HUWE1: variants seen among roughly 807,000 people sequenced by gnomAD.
HUWE1 encodes E3 ubiquitin-protein ligase HUWE1.
In HUWE1, 18 loss-of-function variants were observed where a neutral mutation model predicts 299.4. The observed-to-expected ratio is 0.06, with a 90% confidence interval of 0.04 to 0.09. The LOEUF is 0.09. Among genes scored for constraint, HUWE1 ranks in the 10% least tolerant of loss-of-function variants. HUWE1 has a pLI of 1.00. For synonymous variants in HUWE1, 1,317 were observed against 1,286.1 expected, an observed-to-expected ratio of 1.02 and a Z score of -0.51; for missense variants, 1,832 against 3,462.3, an observed-to-expected ratio of 0.53 and a Z score of 11.82.
intron 55 of HUWE1, 27 bp from the exon 56 acceptor site, chrX:53,560,443 A>G: frequency 8.7e-7 from 1 of 1,152,381 alleles, no homozygotes; most frequent in Non-Finnish European, 1.2e-6. Context: ...TAAAAGGGTC[A>G]GTGTCAAAAA....
At position 53,604,676 on chromosome X, in the gene HUWE1, G is replaced by A. The variant is rs1556995026; in HGVS notation, c.2655C>T (p.Leu885=). The A allele has an allele frequency of 3.1e-5, 38 of 1,209,926 alleles. No homozygotes were observed. The highest frequency in any genetic ancestry group is 3.9e-5 in the Non-Finnish European group (35 of 894,841). ...GCAGCAGAGGTGTGGCCTGGGCTGA[G>A]AGGGTAGCATCAGCAACATTGCCTG... The part of the protein sequence containing the change: ...ACAGNVADAT[L]SAQATPLLHA... Residue 885 remains leucine (L), a synonymous_variant, in exon 26 of 84, where the codon CTC becomes CTT. Coordinates refer to ENST00000262854, the MANE Select transcript of HUWE1 (RefSeq NM_031407.7).
At chrX:53,681,530 AG>A (rs1329000409) in intron 2 of HUWE1, among the ~76,000 whole-genome samples, 3 of 111,582 alleles carry the variant, frequency 2.7e-5, no homozygotes, top group African/African-American at 9.8e-5. Flanking sequence ...ATAACACAAC[AG>A]GAAGTAGTGT....
At chrX:53,559,130 AT>A in intron 57 of HUWE1, 70 bp from the exon 58 acceptor site, 5 of 921,231 alleles carry the variant, frequency 5.4e-6, no homozygotes, top group Non-Finnish European at 7.7e-6. Context: ...CGATCCAAAA[AT>A]TGCAGTATTT....
chrX:53,562,393 G>T, intron 53 of HUWE1, 149 bp from the exon 54 acceptor site: 1 of 723,849 alleles, frequency 1.4e-6, no homozygotes, highest in Non-Finnish European at 2.1e-6. Flanking sequence ...GACTTAGTGA[G>T]CCAGACCCGA....
At position 53,563,988 on chromosome X, in the gene HUWE1, C is replaced by T. The variant is rs782709415; in HGVS notation, c.7030-167G>A. ...GTGCTAATTAGCACAGAAACTACCACGTGCTACCAATCCACAACCAGACTA... is the reference window on the plus strand; with the variant it reads ...GTGCTAATTAGCACAGAAACTACCATGTGCTACCAATCCACAACCAGACTA... On this transcript the variant is annotated intron_variant, in intron 51 of 83. Transcript: ENST00000262854. Among the ~76,000 whole-genome samples the T allele has an allele frequency of 3.6e-5, 4 of 112,296 alleles. No homozygotes were observed. In the East Asian group the frequency reaches 8.4e-4, roughly 24 times the overall value.
intron 3 of HUWE1, among the ~76,000 whole-genome samples, chrX:53,678,811 T>C (rs1158162217): frequency 1.8e-5 from 2 of 111,769 alleles, no homozygotes; most frequent in Non-Finnish European, 3.8e-5. Context: ...ATTGAAACCA[T>C]GCATGAAAAA....
At chrX:53,549,547 A>T (rs1556926777) in intron 66 of HUWE1, 42 bp from the exon 67 acceptor site, 1 of 1,099,726 alleles carries the variant, frequency 9.1e-7, no homozygotes, top group Non-Finnish European at 1.2e-6. Flanking sequence ...TTCAGTGGCT[A>T]GAGCTCTGGG....
At chrX:53,535,047 C>T (rs1372087598) in intron 81 of HUWE1, among the ~76,000 whole-genome samples, 6 of 110,124 alleles carry the variant, frequency 5.4e-5, no homozygotes, top group African/African-American at 1.7e-4. Flanking sequence ...AGCAATTCTT[C>T]TGTCTCAGTC....
chrX:53,533,372 C>T lies in HUWE1; in HGVS notation c.13062G>A (p.Glu4354=), dbSNP rs1411145547. ...CCAACAGTAGCATGTGGCGGAGCTTCTCAAAGCTCTCATAGGCAGGCAGAT... is the reference window on the plus strand; with the variant it reads ...CCAACAGTAGCATGTGGCGGAGCTTTTCAAAGCTCTCATAGGCAGGCAGAT... ...QLDLPAYESF[E]KLRHMLLLAI... The change falls in exon 84 of 84, where the codon GAG becomes GAA. Residue 4354 remains glutamate, a synonymous_variant. Coordinates refer to ENST00000262854, the MANE Select transcript of HUWE1 (RefSeq NM_031407.7). The T allele has an allele frequency of 5.8e-6, 7 of 1,205,844 alleles. No homozygotes were observed. In the African/African-American group the frequency reaches 1.0e-4, roughly 18 times the overall value.
intron 29 of HUWE1, among the ~76,000 whole-genome samples, chrX:53,595,865 A>C (rs1390544865): frequency 8.9e-6 from 1 of 111,928 alleles, no homozygotes; most frequent in Non-Finnish European, 1.9e-5. Flanking sequence ...AAGCAGGAAA[A>C]TTTTTACAAG....
intron 43 of HUWE1, among the ~76,000 whole-genome samples, chrX:53,579,512 A>G (rs985943024): frequency 1.3e-4 from 14 of 110,785 alleles, no homozygotes; most frequent in African/African-American, 1.3e-4. Context: ...GAAAGGCGGG[A>G]AGGGTGGGGA....
chrX:53,683,854 AC>A (rs2070327670), intron 2 of HUWE1: 1 of 65,907 alleles, frequency 1.5e-5, no homozygotes, highest in Non-Finnish European at 3.7e-5. Context: ...CTGCCCCCCC[AC>A]CCCCCACCCG....
intron 8 of HUWE1, among the ~76,000 whole-genome samples, chrX:53,633,267 A>C (rs781938772): frequency 8.9e-6 from 1 of 112,581 alleles, no homozygotes; most frequent in East Asian, 2.8e-4. Flanking sequence ...CCTCTGGAAA[A>C]TTAAGAAGTT....
Position 53,589,585 on chromosome X carries a change from C to G in HUWE1, c.4423G>C (p.Asp1475His), listed in dbSNP as rs782205349. ...TGCTTCAGAATCATGTCACGATAATCTGCTCCATTACGTTTGATTGCTGTC... is the reference window on the plus strand; with the variant it reads ...TGCTTCAGAATCATGTCACGATAATGTGCTCCATTACGTTTGATTGCTGTC... ...IMTAIKRNGA[D>H]YRDMILKQVV... Residue 1475 changes from aspartate (D) to histidine (H), a missense_variant, in exon 36 of 84, where the codon GAT (aspartate) becomes CAT (histidine). Asp to His is a moderately conservative substitution (Grantham distance 81). This residue lies in a region of HUWE1 where 658 missense variants were observed against 1,282.6 expected (regional missense o/e 0.51). Transcript: ENST00000262854. 2.5e-6 allele frequency: 3 copies of G among 1,211,444 alleles called. No homozygotes were observed. The highest frequency in any genetic ancestry group is 3.4e-6 in the Non-Finnish European group (3 of 895,156).
intron 47 of HUWE1, 55 bp from the exon 48 acceptor site, chrX:53,569,882 T>C (rs2062740356): frequency 9.9e-7 from 1 of 1,010,235 alleles, no homozygotes; most frequent in South Asian, 2.0e-5. Flanking sequence ...GCCATATCAT[T>C]TGCACAGGAC....
intron 39 of HUWE1, 32 bp downstream of exon 39, chrX:53,586,458 C>G (rs782235756): frequency 1.9e-6 from 2 of 1,031,427 alleles, no homozygotes; most frequent in East Asian, 3.0e-5. Context: ...GAAGCTAAAC[C>G]GTCCTGCAGT....
chrX:53,536,069 G>GT (rs782222681), intron 80 of HUWE1, 78 bp downstream of exon 80: 2 of 623,556 alleles, frequency 3.2e-6, no homozygotes, highest in East Asian at 3.4e-5. Flanking sequence ...AGGTCACGCA[G>GT]TGCTAGTTCT....
chrX:53,584,657 T>C (rs1556971458), intron 40 of HUWE1, among the ~76,000 whole-genome samples: 1 of 111,746 alleles, frequency 8.9e-6, no homozygotes, highest in Non-Finnish European at 1.9e-5. Context: ...CAAGGTCTAA[T>C]CAATGACCTT....
intron 43 of HUWE1, among the ~76,000 whole-genome samples, chrX:53,577,522 C>CCTCT (rs1484871911): frequency 1.2e-5 from 1 of 80,726 alleles, no homozygotes; most frequent in Admixed American, 1.4e-4. Flanking sequence ...TCTCCCTCTC[C>CCTCT]CTCCCTCTCC....
Sources: gnomAD v4.1 joint callset for allele counts (sites outside exome capture counted in the v4.1 genomes callset) on GRCh38, gnomAD v4.1.1 for gene constraint, gnomAD v4.1.1 regional missense constraint, MANE v1.5 for transcripts, NCBI Gene and HGNC (gene_info 2026-07-23, HGNC 2026-07-21) for gene names.